MYRFL: variants seen among roughly 807,000 people sequenced by gnomAD.
MYRFL encodes myelin regulatory factor like, also known as myelin regulatory factor-like protein.
In MYRFL, 88 loss-of-function variants were observed where a neutral mutation model predicts 109.4. The ratio of observed to expected loss-of-function variants is 0.80; its 90% CI spans 0.68 to 0.96. The LOEUF (loss-of-function observed/expected upper bound fraction) is 0.96. MYRFL is among the 40% of genes least tolerant of loss of function. The pLI, the probability that MYRFL is intolerant of heterozygous loss-of-function variation, is 0.00. For synonymous variants in MYRFL, 324 were observed against 320.9 expected, an observed-to-expected ratio of 1.01 and a Z score of -0.10; for missense variants, 957 against 954.9, an observed-to-expected ratio of 1.00 and a Z score of -0.03.
At position 69,886,857 on chromosome 12, in the gene MYRFL, T is replaced by G. The variant is rs577621377; in HGVS notation, c.594T>G (p.Pro198=). 1.1e-5 allele frequency: 17 copies of G among 1,535,916 alleles called. No homozygotes were observed. The South Asian group carries it at 2.0e-4, about 18-fold the overall frequency. The change falls in exon 6 of 25, where the codon CCT becomes CCG. Residue 198 remains proline, a synonymous_variant. Coordinates refer to ENST00000552032, the MANE Select transcript of MYRFL (RefSeq NM_182530.3). ...SRSRSSEVQD[P]DSEGQNRMPT... is the part of the protein sequence containing the mutation. ...GTCGCAGCAGTGAAGTCCAGGACCC[T>G]GACAGTGAGGGACAGAACAGAATGC...
At chr12:69,864,783 CT>C (rs1368531260) in intron 2 of MYRFL, among the ~76,000 whole-genome samples, 1 of 152,130 alleles carries the variant, frequency 6.6e-6, no homozygotes, top group African/African-American at 2.4e-5. Flanking sequence ...CTAATTGCCC[CT>C]GTGCCTGCCC....
At chr12:69,865,105 A>C (rs756164554) in intron 2 of MYRFL, among the ~76,000 whole-genome samples, 9 of 152,254 alleles carry the variant, frequency 5.9e-5, no homozygotes, top group Non-Finnish European at 1.3e-4. Flanking sequence ...GGTCACAACC[A>C]ACACTCCTAT....
chr12:69,916,840 A>G (rs903242376), intron 13 of MYRFL, among the ~76,000 whole-genome samples: 1 of 152,218 alleles, frequency 6.6e-6, no homozygotes, highest in Non-Finnish European at 1.5e-5. Context: ...CATTTTCTCA[A>G]ATAAGCTGGG....
intron 1 of MYRFL, among the ~76,000 whole-genome samples, chr12:69,846,756 C>T (rs1223138960): frequency 6.6e-6 from 1 of 151,832 alleles, no homozygotes; most frequent in Non-Finnish European, 1.5e-5. Context: ...AGTTCTAGAT[C>T]CCTGAGGAAT....
intron 2 of MYRFL, among the ~76,000 whole-genome samples, chr12:69,865,916 T>C (rs899610498): frequency 1.3e-5 from 2 of 152,194 alleles, no homozygotes; most frequent in Non-Finnish European, 2.9e-5. Flanking sequence ...TTGCACTTCA[T>C]ATATTCACTT....
chr12:69,838,235 T>G (rs1007748762), intron 1 of MYRFL, among the ~76,000 whole-genome samples: 3 of 152,140 alleles, frequency 2.0e-5, no homozygotes, highest in Admixed American at 6.6e-5. Context: ...TGATTTAATA[T>G]TTAACACTGT....
chr12:69,886,714 G>A (rs1186009970), intron 5 of MYRFL, 106 bp from the exon 6 acceptor site: 1 of 1,340,584 alleles, frequency 7.5e-7, no homozygotes, highest in Non-Finnish European at 1.0e-6. Context: ...CACTTCCCTA[G>A]TCACTCTGCC....
intron 1 of MYRFL, among the ~76,000 whole-genome samples, chr12:69,840,563 T>TAGTGAG (rs1016930908): frequency 3.9e-5 from 6 of 152,252 alleles, no homozygotes; most frequent in African/African-American, 1.4e-4. Context: ...TTAGTGCTGC[T>TAGTGAG]CACTGTTGTA....
intron 1 of MYRFL, among the ~76,000 whole-genome samples, chr12:69,843,867 T>G (rs1323739314): frequency 6.6e-6 from 1 of 152,164 alleles, no homozygotes; most frequent in African/African-American, 2.4e-5. Context: ...GCTTCTCCCT[T>G]TGTAAGCAAA....
chr12:69,887,147 GTT>G (rs1455855824), intron 6 of MYRFL, among the ~76,000 whole-genome samples, 177 bp downstream of exon 6: 1 of 152,070 alleles, frequency 6.6e-6, no homozygotes, highest in Non-Finnish European at 1.5e-5. Context: ...TGGAATATGG[GTT>G]TCTGGCCTTC....
intron 2 of MYRFL, among the ~76,000 whole-genome samples, chr12:69,856,098 T>C (rs928873314): frequency 2.6e-5 from 4 of 152,180 alleles, no homozygotes; most frequent in Non-Finnish European, 2.9e-5. Context: ...CCATCTACAC[T>C]GTCCCCTGGT....
chr12:69,880,065 C>T (rs1042108660), intron 4 of MYRFL, 136 bp from the exon 5 acceptor site: 7 of 584,430 alleles, frequency 1.2e-5, no homozygotes, highest in Admixed American at 8.8e-5. Context: ...TAGTTTCAGC[C>T]TAGTAGGGCT....
chr12:69,833,633 A>G lies in MYRFL; in HGVS notation c.46+8070A>G, dbSNP rs12424374. 9.4e-3 allele frequency among the ~76,000 whole-genome samples: 1,425 copies of G among 152,318 alleles called. 14 individuals are homozygous for G. Among genetic ancestry groups the G allele is most frequent in the East Asian group, 0.047 (244 of 5,174 alleles). On this transcript the variant is annotated intron_variant, in intron 1 of 24. Transcript: ENST00000552032. ...TTTAGAGAGGAGGAAACAGATTCAG[A>G]GAAGGTATGTACTTTGCCCAAGGTA...
chr12:69,924,558 T>G (rs1955012771), intron 13 of MYRFL, among the ~76,000 whole-genome samples: 1 of 152,186 alleles, frequency 6.6e-6, no homozygotes, highest in East Asian at 1.9e-4. Context: ...TTCTTAATTT[T>G]CTCCAGGAGA....
chr12:69,911,160 G>C (rs923595771), intron 13 of MYRFL, among the ~76,000 whole-genome samples: 1 of 152,198 alleles, frequency 6.6e-6, no homozygotes, highest in Non-Finnish European at 1.5e-5. Context: ...ATATGCAATA[G>C]TAAGAATTCG....
At chr12:69,865,643 C>T (rs1884974230) in intron 2 of MYRFL, among the ~76,000 whole-genome samples, 1 of 152,112 alleles carries the variant, frequency 6.6e-6, no homozygotes, top group Non-Finnish European at 1.5e-5. Context: ...CTCAGCATGC[C>T]AAGGCACCAT....
intron 2 of MYRFL, among the ~76,000 whole-genome samples, chr12:69,865,394 G>A (rs907923072): frequency 5.3e-5 from 8 of 152,228 alleles, no homozygotes; most frequent in African/African-American, 1.9e-4. Context: ...TATGAGGTAG[G>A]GTCTCTTTGG....
chr12:69,877,038 T>TCTTTC (rs1405764440), intron 2 of MYRFL, among the ~76,000 whole-genome samples: 20 of 145,400 alleles, frequency 1.4e-4, no homozygotes, highest in Non-Finnish European at 2.3e-4. Context: ...TTTTTTTTTT[T>TCTTTC]TTTGAGACGG....
intron 8 of MYRFL, among the ~76,000 whole-genome samples, chr12:69,894,748 C>T (rs1887118712): frequency 6.6e-6 from 1 of 152,200 alleles, no homozygotes; most frequent in African/African-American, 2.4e-5. Context: ...ACTGGTTTGG[C>T]AGGGATGCAG....
Sources: allele counts gnomAD v4.1 joint callset (sites outside exome capture counted in the v4.1 genomes callset), GRCh38; gene constraint gnomAD v4.1.1; transcripts MANE v1.5; gene names NCBI Gene and HGNC (gene_info 2026-07-23, HGNC 2026-07-21).